TMEM198: variants seen among roughly 807,000 people sequenced by gnomAD.
TMEM198 encodes transmembrane protein 198.
TMEM198 carries 21 observed loss-of-function variants against 31.5 expected under a neutral mutation model. The observed-to-expected ratio is 0.67, with a 90% CI of 0.47 to 0.96. TMEM198 has a LOEUF of 0.96. Ranked by LOEUF, TMEM198 falls within the 40% of genes least tolerant of loss-of-function variation. The probability of loss-of-function intolerance (pLI) is 0.00; values close to 1 mark genes in which losing one functional copy is unlikely to be tolerated. For missense variants in TMEM198, 447 were observed against 499.4 expected, an observed-to-expected ratio of 0.89 and a Z score of 1.00; for synonymous variants, 211 against 223.3, an observed-to-expected ratio of 0.95 and a Z score of 0.49.
Position 219,549,936 on chromosome 2 carries a change from C to A in TMEM198, c.*82C>A. ...GCTAGGCTGCCACTCAGCCTCCTGG[C>A]TTTGGCTGTCCCTCTCCCCAGCCTG... On this transcript the variant is annotated 3_prime_UTR_variant, in exon 5 of 5. Transcript: ENST00000373883. The A allele has an allele frequency of 1.3e-6, 2 of 1,549,094 alleles. No homozygotes were observed. Among genetic ancestry groups the A allele is most frequent in the Non-Finnish European group, 8.8e-7 (1 of 1,138,608 alleles).
intron 4 of TMEM198, 94 bp downstream of exon 4, chr2:219,549,448 C>T (rs187361679): frequency 7.0e-7 from 1 of 1,432,532 alleles, no homozygotes; most frequent in African/African-American, 1.4e-5. Flanking sequence ...TGGTTGCTAT[C>T]TAGAAGGCCT....
intron 2 of TMEM198, among the ~76,000 whole-genome samples, chr2:219,545,927 C>A (rs1171099693): frequency 6.6e-6 from 1 of 152,066 alleles, no homozygotes; most frequent in Non-Finnish European, 1.5e-5. Context: ...GGAGGAAGTG[C>A]CCCCCGCAAG....
intron 2 of TMEM198, among the ~76,000 whole-genome samples, chr2:219,546,631 C>A (rs141543635): frequency 6.6e-6 from 1 of 152,136 alleles, no homozygotes; most frequent in African/African-American, 2.4e-5. Flanking sequence ...CCCTAACCTA[C>A]AAATACCTCA....
chr2:219,547,767 C>G lies in TMEM198; in HGVS notation c.428C>G (p.Pro143Arg). Reference protein sequence around the residue: ...ALLGSAPYYQPGSVWGPLGLL... With the variant: ...ALLGSAPYYQRGSVWGPLGLL... ...CTGGGCTCCGCACCCTACTACCAGC[C>G]AGGCTCCGTGTGGGGTCCACTGGGG... The change falls in exon 3 of 5, where the codon CCA becomes CGA. Residue 143 changes from proline to arginine, a missense_variant. By Grantham distance (103) the Pro-to-Arg change is moderately radical. Coordinates refer to ENST00000373883, the MANE Select transcript of TMEM198 (RefSeq NM_001005209.3). The G allele has an allele frequency of 6.3e-7, 1 of 1,594,480 alleles. No individual in the cohort carries two copies. Among genetic ancestry groups the G allele is most frequent in the Non-Finnish European group, 8.5e-7 (1 of 1,176,852 alleles).
intron 3 of TMEM198, among the ~76,000 whole-genome samples, chr2:219,548,565 C>T (rs1362966320): frequency 1.3e-5 from 2 of 152,180 alleles, no homozygotes; most frequent in Admixed American, 6.5e-5. Context: ...GAAGAGGGAA[C>T]AGCAAGGGCG....
chr2:219,549,664 T>C, intron 4 of TMEM198, 53 bp from the exon 5 acceptor site: 1 of 1,599,822 alleles, frequency 6.3e-7, no homozygotes, highest in Non-Finnish European at 8.5e-7. Context: ...AAGAGGTGGC[T>C]TTTAGGGCAG....
chr2:219,544,898 G>A lies in TMEM198; in HGVS notation c.166+5G>A. ...GAGTCGTCTACTGCTTCTTCGGTGA[G>A]ATCCCCATCTCATCCCTCACCTGGG... is the stretch of plus-strand genomic sequence containing the variant. On this transcript the variant is annotated splice_donor_5th_base_variant and intron_variant, in intron 2 of 4. Transcript: ENST00000373883. 1 of 1,612,592 alleles carries A rather than the reference G, an allele frequency of 6.2e-7. No homozygotes were observed. Among genetic ancestry groups the A allele is most frequent in the Non-Finnish European group, 8.5e-7 (1 of 1,178,650 alleles).
Position 219,544,153 on chromosome 2 carries a change from C to G in TMEM198, c.-264C>G, listed in dbSNP as rs1204404203. On this transcript the variant is annotated 5_prime_UTR_variant, in exon 1 of 5. Coordinates refer to ENST00000373883, the MANE Select transcript of TMEM198 (RefSeq NM_001005209.3). ...CGCCTTCCCCTTCCTCAGGCCCAGC[C>G]CGAGTTCCCGGACGCCGCGGGACTG... The G allele has an allele frequency of 2.2e-6, 1 of 457,690 alleles. No individual in the cohort carries two copies. The allele number at this position is 457,690 out of a possible 1,614,324, so 28.4% of individuals were successfully genotyped here.
chr2:219,545,278 A>G (rs1276118629), intron 2 of TMEM198, among the ~76,000 whole-genome samples: 1 of 152,222 alleles, frequency 6.6e-6, no homozygotes, highest in Non-Finnish European at 1.5e-5. Context: ...TAGCCACTGA[A>G]AACACTTAGC....
At position 219,550,164 on chromosome 2, in the gene TMEM198, G is replaced by T; in HGVS notation, c.*310G>T. The T allele has an allele frequency of 3.5e-6, 1 of 284,052 alleles. No homozygotes were observed. 17.6% of individuals were successfully genotyped at this position (284,052 alleles called of 1,614,324 possible). A position where few individuals can be genotyped will look rare whatever the true frequency, so the allele number is the denominator to read the frequency against. On this transcript the variant is annotated 3_prime_UTR_variant, in exon 5 of 5. Coordinates refer to ENST00000373883, the MANE Select transcript of TMEM198 (RefSeq NM_001005209.3). ...GTGGGCAGGCTTGGAGGGGACGCTG[G>T]GACCCTTGCCTTAGATTTCTGACTG...
upstream of TMEM198, chr2:219,543,936 G>A (rs1379950948): frequency 1.4e-5 from 5 of 349,530 alleles, no homozygotes; most frequent in Non-Finnish European, 2.2e-5. Flanking sequence ...GACGCCGGGG[G>A]CGGAGTCCCC....
intron 1 of TMEM198, 105 bp from the exon 2 acceptor site, chr2:219,544,582 ACT>A (rs1418027027): frequency 7.1e-6 from 6 of 850,540 alleles, no homozygotes; most frequent in Non-Finnish European, 7.3e-6. Context: ...AAATGTGGAT[ACT>A]ATTCCTTTGT....
rs768767598 is a variant in TMEM198, at chr2:219,547,845, G to A, written c.506G>A (p.Arg169His). The change falls in exon 3 of 5, where the codon CGC becomes CAC. Residue 169 changes from arginine to histidine, a missense_variant. Physicochemically the swap from Arg to His is conservative, Grantham distance 29. Transcript: ENST00000373883. ...LCALLTLRWP[R>H]PLTTLATAVT... ...GCCCTGCTCACTCTGCGCTGGCCCC[G>A]CCCACTCACCACCCTGGCCACCGCC... 6 of 1,586,564 alleles carry A rather than the reference G, an allele frequency of 3.8e-6. No individual in the cohort carries two copies. The highest frequency in any genetic ancestry group is 2.2e-5 in the South Asian group (2 of 90,162).
At position 219,547,597 on chromosome 2, in the gene TMEM198, A is replaced by G. The variant is rs745408193; in HGVS notation, c.258A>G (p.Leu86=). 2 of 1,468,236 alleles carry G rather than the reference A, an allele frequency of 1.4e-6. No homozygotes were observed. The highest frequency in any genetic ancestry group is 4.8e-5 in the Admixed American group (2 of 42,090). The allele number at this position is 1,468,236 out of a possible 1,614,324, so 91.0% of individuals were successfully genotyped here. Residue 86 remains leucine, a synonymous_variant, in exon 3 of 5, where the codon CTA becomes CTG. Transcript: ENST00000373883. The stretch of plus-strand genomic sequence containing the variant: ...TCCTCTGCTACCGAGAGCGGGTGCT[A>G]GAGACACAGCTGAGTGCTGGGGCGA... ...IFLLCYRERV[L]ETQLSAGASA...
At chr2:219,543,689 C>G, upstream of TMEM198, 1 of 496,310 alleles carries the variant, frequency 2.0e-6, no homozygotes. Flanking sequence ...GCCAGCGGCC[C>G]GAGCCGAATC....
Position 219,549,149 on chromosome 2 carries a change from C to T in TMEM198, c.743-3C>T, listed in dbSNP as rs968625946. ...AGCTCCTTCTCTACCCATCCCACCA[C>T]AGTGGTCATCAGCCGGCAGCGCCGA... On this transcript the variant is annotated splice_region_variant and splice_polypyrimidine_tract_variant and intron_variant, in intron 3 of 4. Coordinates refer to ENST00000373883, the MANE Select transcript of TMEM198 (RefSeq NM_001005209.3). 1 of 1,613,782 alleles carries T rather than the reference C, an allele frequency of 6.2e-7. No homozygotes were observed. Among genetic ancestry groups the T allele is most frequent in the Non-Finnish European group, 8.5e-7 (1 of 1,180,010 alleles).
At position 219,547,503 on chromosome 2, in the gene TMEM198, C is replaced by T. The variant is rs374081048; in HGVS notation, c.167-3C>T. The stretch of plus-strand genomic sequence containing the variant: ...CCCCTCACTAGCCCCTGTTCCCCTC[C>T]AGGTTACCGCTGCTTCAAGGCAGTG... On this transcript the variant is annotated splice_polypyrimidine_tract_variant and splice_region_variant and intron_variant, in intron 2 of 4. Coordinates refer to ENST00000373883, the MANE Select transcript of TMEM198 (RefSeq NM_001005209.3). 2.1e-6 allele frequency: 3 copies of T among 1,420,472 alleles called. No individual in the cohort carries two copies. In the African/African-American group the frequency reaches 4.4e-5, roughly 21 times the overall value. The allele number at this position is 1,420,472 out of a possible 1,614,324, so 88.0% of individuals were successfully genotyped here.
intron 2 of TMEM198, among the ~76,000 whole-genome samples, chr2:219,546,774 G>GTTTT (rs144394124): frequency 1.4e-5 from 1 of 69,882 alleles, no homozygotes; most frequent in Admixed American, 2.1e-4. Context: ...CACCTCTCAA[G>GTTTT]TTTCTTTTTT....
At chr2:219,548,601 G>A (rs1461604933) in intron 3 of TMEM198, among the ~76,000 whole-genome samples, 2 of 152,248 alleles carry the variant, frequency 1.3e-5, no homozygotes, top group Non-Finnish European at 2.9e-5. Flanking sequence ...AATGAGCTCA[G>A]CTTGCTTGAG....
Sources: allele counts gnomAD v4.1 joint callset (sites outside exome capture counted in the v4.1 genomes callset), GRCh38; gene constraint gnomAD v4.1.1; transcripts MANE v1.5; gene names NCBI Gene and HGNC (gene_info 2026-07-23, HGNC 2026-07-21).